Variants in KIF26B observed in about 807,000 individuals in gnomAD.
KIF26B encodes kinesin-like protein KIF26B.
A neutral mutation model predicts 151.2 loss-of-function variants in KIF26B; 63 were observed. The ratio of observed to expected loss-of-function variants is 0.42; its 90% CI spans 0.34 to 0.51. The LOEUF is 0.51. Ranked by LOEUF, KIF26B falls within the 20% of genes least tolerant of loss-of-function variation. The pLI, the probability that KIF26B is intolerant of heterozygous loss-of-function variation, is 0.07. For missense variants in KIF26B, 2,813 were observed against 2,913.6 expected, an observed-to-expected ratio of 0.97 and a Z score of 0.79; for synonymous variants, 1,357 against 1,262.1, an observed-to-expected ratio of 1.08 and a Z score of -1.59.
intron 2 of KIF26B, among the ~76,000 whole-genome samples, chr1:245,171,910 T>G (rs1161105494): frequency 1.3e-5 from 2 of 152,246 alleles, no homozygotes; most frequent in Non-Finnish European, 2.9e-5. Context: ...AGGCGTGTTT[T>G]GTCTGCTGCA....
At chr1:245,414,546 G>GCTC (rs1313356847) in intron 3 of KIF26B, among the ~76,000 whole-genome samples, 2 of 152,178 alleles carry the variant, frequency 1.3e-5, no homozygotes, top group Admixed American at 1.3e-4. Flanking sequence ...CCAAGCTTCA[G>GCTC]CTCCTCCTCC....
At chr1:245,644,057 C>T (rs1011891655) in intron 9 of KIF26B, among the ~76,000 whole-genome samples, 1 of 151,892 alleles carries the variant, frequency 6.6e-6, no homozygotes, top group African/African-American at 2.4e-5. Flanking sequence ...GAAGTTTTAG[C>T]CATTATTTTT....
intron 2 of KIF26B, among the ~76,000 whole-genome samples, chr1:245,196,683 T>A (rs928828999): frequency 7.2e-5 from 11 of 152,168 alleles, no homozygotes; most frequent in African/African-American, 2.7e-4. Context: ...CCTTGGATAT[T>A]TTTTTAAGTG....
chr1:245,198,662 C>T (rs141048672), intron 2 of KIF26B, among the ~76,000 whole-genome samples: 80 of 149,886 alleles, frequency 5.3e-4, no homozygotes, highest in Non-Finnish European at 1.0e-3. Flanking sequence ...GCGGAGGTTG[C>T]GTGAGTCGAG....
chr1:245,165,564 G>A (rs1373095656), intron 2 of KIF26B, among the ~76,000 whole-genome samples: 1 of 152,154 alleles, frequency 6.6e-6, no homozygotes, highest in Non-Finnish European at 1.5e-5. Flanking sequence ...TCCACAGACG[G>A]CATGAGCTCT....
chr1:245,517,286 C>T (rs61829903), intron 4 of KIF26B, among the ~76,000 whole-genome samples: 37,602 of 150,676 alleles, frequency 0.25, 5,656 homozygotes, highest in East Asian at 0.49. Flanking sequence ...ACCCAGAAGG[C>T]GGAGGTTGCA....
rs147497373 is a variant in KIF26B at position 245,547,868 on chromosome 1, G to GT, written c.1350+6921dup. 8.7e-3 allele frequency among the ~76,000 whole-genome samples: 1,328 copies of GT among 152,256 alleles called. 15 individuals are homozygous for GT. The highest frequency in any genetic ancestry group is 0.031 in the African/African-American group (1,269 of 41,530). On this transcript the variant is annotated intron_variant, in intron 5 of 14. Transcript: ENST00000407071. ...GACCCACAGTGAGCAGGGAGGACTG[G>GT]TTTGGTCCTGTAGCCCAGAGTCTCC... is the stretch of plus-strand genomic sequence containing the variant.
chr1:245,188,673 A>G (rs937207731), intron 2 of KIF26B, among the ~76,000 whole-genome samples: 1 of 152,216 alleles, frequency 6.6e-6, no homozygotes, highest in African/African-American at 2.4e-5. Flanking sequence ...CAAAAAATTA[A>G]ACAAGGAATT....
At chr1:245,419,864 A>G (rs1383753787) in intron 4 of KIF26B, 119 bp downstream of exon 4, 1 of 948,406 alleles carries the variant, frequency 1.1e-6, no homozygotes, top group Non-Finnish European at 1.6e-6. Flanking sequence ...GATGTCATTC[A>G]TTAAGACAGA....
chr1:245,474,196 C>T (rs1303614989), intron 4 of KIF26B, among the ~76,000 whole-genome samples: 3 of 148,892 alleles, frequency 2.0e-5, no homozygotes, highest in African/African-American at 7.4e-5. Flanking sequence ...GCAACCTCTG[C>T]CTCCCGGGTT....
chr1:245,255,042 G>T (rs1008522501), intron 2 of KIF26B, among the ~76,000 whole-genome samples: 1 of 152,116 alleles, frequency 6.6e-6, no homozygotes, highest in African/African-American at 2.4e-5. Flanking sequence ...GTGAGGACTC[G>T]CCCTCATGAA....
intron 3 of KIF26B, among the ~76,000 whole-genome samples, chr1:245,391,004 A>G (rs1673686546): frequency 6.7e-6 from 1 of 149,724 alleles, no homozygotes; most frequent in South Asian, 2.1e-4. Context: ...TGAAAACTTG[A>G]TTCTACTACC....
At position 245,340,562 on chromosome 1, in the gene KIF26B, T is replaced by C. The variant is rs541950983; in HGVS notation, c.466-26272T>C. ...TTATTCTAAGTGGCCCTGGGCAAAG[T>C]GACCATTCATTTATTCACTCATTCA... On this transcript the variant is annotated intron_variant, in intron 2 of 14. Transcript: ENST00000407071. 4.6e-5 allele frequency among the ~76,000 whole-genome samples: 7 copies of C among 152,266 alleles called. No homozygotes were observed. In the East Asian group the frequency reaches 1.3e-3, roughly 29 times the overall value.
intron 2 of KIF26B, among the ~76,000 whole-genome samples, chr1:245,193,923 G>A (rs1033431421): frequency 6.6e-6 from 1 of 152,248 alleles, no homozygotes; most frequent in Admixed American, 6.5e-5. Context: ...CATTGATCGT[G>A]TTAGGACCTG....
At chr1:245,467,899 G>C (rs2103061863) in intron 4 of KIF26B, among the ~76,000 whole-genome samples, 1 of 152,082 alleles carries the variant, frequency 6.6e-6, no homozygotes, top group South Asian at 2.1e-4. Context: ...AAAAAAAGTG[G>C]GGGTTGGGGG....
intron 4 of KIF26B, among the ~76,000 whole-genome samples, chr1:245,431,261 C>T (rs1381896288): frequency 6.6e-6 from 1 of 152,116 alleles, no homozygotes; most frequent in Non-Finnish European, 1.5e-5. Context: ...TCACTGCAAC[C>T]TCTGCTTCCT....
In KIF26B at chr1:245,684,382, A is replaced by G. The variant is rs983960029; in HGVS notation, c.2408A>G (p.Lys803Arg). 1 of 1,610,670 alleles carries G rather than the reference A, an allele frequency of 6.2e-7. No homozygotes were observed. The highest frequency in any genetic ancestry group is 1.3e-5 in the African/African-American group (1 of 74,852). ...GCATCGAGAGTCTTGAGGATGAAGA[A>G]AAAGAAGACGAAGGTAAGGAGCTCG... ...QIASRVLRMKKKKTKYTSSSS... is the reference protein window; with the variant it reads ...QIASRVLRMKRKKTKYTSSSS... The change falls in exon 11 of 15, where the codon AAA becomes AGA. Residue 803 changes from lysine (K) to arginine (R), a missense_variant. This residue lies in a region of KIF26B where 2,060 missense variants were observed against 2,088.6 expected (regional missense o/e 0.99). Coordinates refer to ENST00000407071, the MANE Select transcript of KIF26B (RefSeq NM_018012.4).
chr1:245,254,989 G>A (rs770686372), intron 2 of KIF26B, among the ~76,000 whole-genome samples: 2 of 152,294 alleles, frequency 1.3e-5, no homozygotes, highest in Non-Finnish European at 2.9e-5. Flanking sequence ...TTCATCCTCC[G>A]TAACAGTGTT....
intron 2 of KIF26B, among the ~76,000 whole-genome samples, chr1:245,200,375 A>T (rs1341624353): frequency 6.6e-6 from 1 of 152,214 alleles, no homozygotes; most frequent in East Asian, 1.9e-4. Context: ...AATCTTCTGC[A>T]GCTCTAGGGA....
Sources: allele counts gnomAD v4.1 joint callset (sites outside exome capture counted in the v4.1 genomes callset), GRCh38; gene constraint gnomAD v4.1.1; regional missense constraint gnomAD v4.1.1; transcripts MANE v1.5; gene names NCBI Gene and HGNC (gene_info 2026-07-23, HGNC 2026-07-21).